The following IGF2BP1 variants were observed in gnomAD, a reference collection of about 807,000 sequenced individuals.
IGF2BP1 encodes insulin like growth factor 2 mRNA binding protein 1.
A neutral mutation model predicts 74.9 loss-of-function variants in IGF2BP1; 11 were observed. That is an observed-to-expected ratio of 0.15 (90% CI 0.09 to 0.24). The LOEUF (loss-of-function observed/expected upper bound fraction) is 0.24. IGF2BP1 is among the 10% of genes least tolerant of loss of function. The pLI, the probability that IGF2BP1 is intolerant of heterozygous loss-of-function variation, is 1.00. For missense variants in IGF2BP1, 440 were observed against 757.4 expected (o/e 0.58, Z 4.92); for synonymous variants, 287 against 281.8 (o/e 1.02, Z -0.18).
Position 49,051,606 on chromosome 17 carries a change from A to C in IGF2BP1, c.*2162A>C, listed in dbSNP as rs999306129. 1 of 152,242 alleles carries C rather than the reference A, an allele frequency of 6.6e-6. No homozygotes were observed. The highest frequency in any genetic ancestry group is 1.5e-5 in the Non-Finnish European group (1 of 68,042). 9.4% of individuals were successfully genotyped at this position (152,242 alleles called of 1,614,324 possible). The stretch of plus-strand genomic sequence containing the variant: ...CTCCTCTCTTTCCTCCTTTGGTTAA[A>C]GAGCATCTCAGCCAGCTTTTCCCAC... On this transcript the variant is annotated 3_prime_UTR_variant, in exon 15 of 15. Transcript: ENST00000290341.
At chr17:49,042,737 C>T (rs754213645) in intron 9 of IGF2BP1, among the ~76,000 whole-genome samples, 10 of 151,992 alleles carry the variant, frequency 6.6e-5, no homozygotes, top group Non-Finnish European at 7.4e-5. Flanking sequence ...AGCACAATGG[C>T]GCAATCATAG....
chr17:49,045,771 C>T (rs547770468), intron 12 of IGF2BP1, 119 bp from the exon 13 acceptor site: 90 of 1,054,168 alleles, frequency 8.5e-5, no homozygotes, highest in Middle Eastern at 2.9e-4. Context: ...ATGGTTAGCC[C>T]GCCTAGGATG....
chr17:49,026,671 TCCTTCCTGCCTTCCTGCCTTCCTG>T (rs58556952), intron 4 of IGF2BP1, among the ~76,000 whole-genome samples, 154 bp downstream of exon 4: 35 of 134,456 alleles, frequency 2.6e-4, no homozygotes, highest in Non-Finnish European at 3.8e-4. Flanking sequence ...CTTCCTGCCT[TCCTTCCTGCCTTCCTGCCTTCCTG>T]CCTTCCTGCC....
intron 2 of IGF2BP1, among the ~76,000 whole-genome samples, chr17:49,019,382 T>G (rs1022061390): frequency 6.6e-6 from 1 of 152,192 alleles, no homozygotes; most frequent in Admixed American, 6.5e-5. Context: ...ATAGGAAAAT[T>G]TCATCATTAC....
At position 49,049,664 on chromosome 17, in the gene IGF2BP1, G is replaced by T; in HGVS notation, c.*220G>T. 2.0e-6 allele frequency: 1 copy of T among 506,168 alleles called. No homozygotes were observed. Among genetic ancestry groups the T allele is most frequent in the Non-Finnish European group, 3.5e-6 (1 of 282,180 alleles). 31.4% of individuals were successfully genotyped at this position (506,168 alleles called of 1,614,324 possible). A position where few individuals can be genotyped will look rare whatever the true frequency, so the allele number is the denominator to read the frequency against. ...GGCCCAACACTGTCTGCCCCTCGGG[G>T]TGTCAGAAATTCTAGCGCAAGGCAC... On this transcript the variant is annotated 3_prime_UTR_variant, in exon 15 of 15. Coordinates refer to ENST00000290341, the MANE Select transcript of IGF2BP1 (RefSeq NM_006546.4).
intron 1 of IGF2BP1, among the ~76,000 whole-genome samples, chr17:48,998,762 A>G (rs2041442542): frequency 6.6e-6 from 1 of 152,184 alleles, no homozygotes; most frequent in African/African-American, 2.4e-5. Flanking sequence ...AGGAACGGGG[A>G]GCCCTTTCTT....
chr17:49,042,160 C>G (rs2042059267), intron 8 of IGF2BP1, 82 bp from the exon 9 acceptor site: 9 of 1,571,526 alleles, frequency 5.7e-6, no homozygotes, highest in Non-Finnish European at 7.8e-6. Flanking sequence ...GCCTGTGACT[C>G]AGCTGGCCTC....
In IGF2BP1 at chr17:49,055,299, A is replaced by G. The variant is rs969736859; in HGVS notation, c.*5855A>G. The G allele has an allele frequency of 1.3e-5, 3 of 230,496 alleles. No homozygotes were observed. The highest frequency in any genetic ancestry group is 2.5e-5 in the Non-Finnish European group (3 of 119,350). 14.3% of individuals were successfully genotyped at this position (230,496 alleles called of 1,614,324 possible). On this transcript the variant is annotated 3_prime_UTR_variant, in exon 15 of 15. Coordinates refer to ENST00000290341, the MANE Select transcript of IGF2BP1 (RefSeq NM_006546.4). ...ACTTGTTTAAGATAACGTGCTAGCT[A>G]TTCCAACAGGTAACAGCTTTCACAG...
chr17:49,019,029 T>TC (rs752081313), intron 2 of IGF2BP1, among the ~76,000 whole-genome samples: 3 of 152,018 alleles, frequency 2.0e-5, no homozygotes, highest in Non-Finnish European at 2.9e-5. Context: ...CACCTTGCCC[T>TC]CCTCCCTTCC....
intron 2 of IGF2BP1, among the ~76,000 whole-genome samples, chr17:49,017,333 C>T (rs1199208612): frequency 6.6e-6 from 1 of 152,156 alleles, no homozygotes; most frequent in East Asian, 1.9e-4. Flanking sequence ...TAAACCCTGT[C>T]AAAGCAGGGA....
chr17:49,044,959 G>A (rs749296455), intron 11 of IGF2BP1, 32 bp from the exon 12 acceptor site: 77 of 1,586,080 alleles, frequency 4.9e-5, no homozygotes, highest in South Asian at 1.1e-5. Context: ...TCCCATAGAG[G>A]GTCCCTCATT....
At chr17:49,029,571 C>T (rs545098979) in intron 4 of IGF2BP1, among the ~76,000 whole-genome samples, 41 of 152,244 alleles carry the variant, frequency 2.7e-4, no homozygotes, top group African/African-American at 9.1e-4. Context: ...TTGAGCAAGC[C>T]CAGGGGACCC....
In IGF2BP1 at chr17:49,049,382, G is replaced by A; in HGVS notation, c.1672G>A (p.Ala558Thr). ...MAQRKIRDIL[A>T]QVKQQHQKGQ... ...TCAACGGAAGATCCGAGACATCCTGGCCCAGGTTAAGCAGCAGCATCAGAA... is the reference window on the plus strand; with the variant it reads ...TCAACGGAAGATCCGAGACATCCTGACCCAGGTTAAGCAGCAGCATCAGAA... The change falls in exon 15 of 15, where the codon GCC becomes ACC. Residue 558 changes from alanine to threonine, a missense_variant. Ala to Thr is a moderately conservative substitution (Grantham distance 58, BLOSUM62 0). Coordinates refer to ENST00000290341, the MANE Select transcript of IGF2BP1 (RefSeq NM_006546.4). 6.2e-7 allele frequency: 1 copy of A among 1,614,092 alleles called. No homozygotes were observed. Among genetic ancestry groups the A allele is most frequent in the Non-Finnish European group, 8.5e-7 (1 of 1,180,010 alleles).
In IGF2BP1 at chr17:49,050,161, C is replaced by G. The variant is rs563371008; in HGVS notation, c.*717C>G. 6.6e-6 allele frequency: 1 copy of G among 152,640 alleles called. No homozygotes were observed. Among genetic ancestry groups the G allele is most frequent in the African/African-American group, 2.4e-5 (1 of 41,530 alleles). The allele number at this position is 152,640 out of a possible 1,614,324, so 9.5% of individuals were successfully genotyped here. On this transcript the variant is annotated 3_prime_UTR_variant, in exon 15 of 15. Coordinates refer to ENST00000290341, the MANE Select transcript of IGF2BP1 (RefSeq NM_006546.4). ...TTGTGGCTGATCTATGCCAGATCACCATCTTCAAATTGGCACAACTGAAAT... is the reference window on the plus strand; with the variant it reads ...TTGTGGCTGATCTATGCCAGATCACGATCTTCAAATTGGCACAACTGAAAT...
chr17:49,044,092 C>G lies in IGF2BP1; in HGVS notation c.1320+6C>G, dbSNP rs984072843. 6.2e-7 allele frequency: 1 copy of G among 1,613,908 alleles called. No individual in the cohort carries two copies. The highest frequency in any genetic ancestry group is 8.5e-7 in the Non-Finnish European group (1 of 1,179,884). ...TTGCCAGCGCCTCCATCAAGGTGAT[C>G]TGCTCTGTGGGTCTTCCTGTTTCTG... On this transcript the variant is annotated splice_donor_region_variant and intron_variant, in intron 11 of 14. Transcript: ENST00000290341.
intron 12 of IGF2BP1, 128 bp from the exon 13 acceptor site, chr17:49,045,762 T>C: frequency 1.1e-6 from 1 of 931,440 alleles, no homozygotes; most frequent in Non-Finnish European, 1.6e-6. Context: ...CTGCCTTAGA[T>C]GGTTAGCCCG....
intron 2 of IGF2BP1, among the ~76,000 whole-genome samples, chr17:48,999,635 C>A (rs2041460226): frequency 6.6e-6 from 1 of 152,018 alleles, no homozygotes; most frequent in South Asian, 2.1e-4. Flanking sequence ...GAATGAGTTT[C>A]CCGGCCCCCA....
chr17:48,999,781 G>A (rs2041462466), intron 2 of IGF2BP1, among the ~76,000 whole-genome samples: 1 of 151,298 alleles, frequency 6.6e-6, no homozygotes, highest in South Asian at 2.1e-4. Context: ...CAAAGAATAT[G>A]CCTTGGCTGT....
At chr17:49,037,000 A>T (rs1288220887) in intron 5 of IGF2BP1, 1 of 200,758 alleles carries the variant, frequency 5.0e-6, no homozygotes, top group African/African-American at 2.4e-5. Context: ...AAGAATTGAG[A>T]TCAAAGAGGA....
Sources: gnomAD v4.1 joint callset for allele counts (sites outside exome capture counted in the v4.1 genomes callset) on GRCh38, gnomAD v4.1.1 for gene constraint, MANE v1.5 for transcripts, NCBI Gene and HGNC (gene_info 2026-07-23, HGNC 2026-07-21) for gene names.